FOXJ3: variants seen among roughly 807,000 people sequenced by gnomAD.
FOXJ3 encodes forkhead box protein J3.
FOXJ3 carries 22 observed loss-of-function variants against 76.1 expected under a neutral mutation model. That is an observed-to-expected ratio of 0.29 (90% CI 0.21 to 0.41). FOXJ3 has a LOEUF of 0.41. Ranked by LOEUF, FOXJ3 falls within the 10% of genes least tolerant of loss-of-function variation. The probability of loss-of-function intolerance (pLI) is 1.00; values close to 1 mark genes in which losing one functional copy is unlikely to be tolerated. For synonymous variants in FOXJ3, 269 were observed against 261.2 expected (o/e 1.03, Z -0.29); for missense variants, 613 against 762.1 (o/e 0.80, Z 2.30).
chr1:42,188,237 A>T lies in FOXJ3; in HGVS notation c.1645+500T>A, dbSNP rs148760520. On this transcript the variant is annotated intron_variant, in intron 11 of 12. Transcript: ENST00000361346. ...GCAAGGGTAAAGAATGAAGGAAGAAAGCGAGATTTAAAAAATATACAGGAA... is the reference window on the plus strand; with the variant it reads ...GCAAGGGTAAAGAATGAAGGAAGAATGCGAGATTTAAAAAATATACAGGAA... Among the ~76,000 whole-genome samples, 629 of 152,330 alleles carry T rather than the reference A, an allele frequency of 4.1e-3. 3 individuals are homozygous for T. Among genetic ancestry groups the T allele is most frequent in the African/African-American group, 0.014 (587 of 41,572 alleles).
rs1190269309 is a variant in FOXJ3 at position 42,291,080 on chromosome 1, AGAT to A, written c.45-12411_45-12409del. ...TAGATAGATAGATAGATAGATAGAT[AGAT>A]AGACAGACAGACAGACAGATAGATC... On this transcript the variant is annotated intron_variant, in intron 2 of 12. Transcript: ENST00000361346. 1.6e-3 allele frequency among the ~76,000 whole-genome samples: 181 copies of A among 112,346 alleles called. 3 individuals carry two copies. The highest frequency in any genetic ancestry group is 2.4e-4 in the East Asian group (1 of 4,142). The allele number at this position is 112,346 out of a possible 152,430, so 73.7% of individuals were successfully genotyped here.
chr1:42,308,897 T>A, intron 2 of FOXJ3, among the ~76,000 whole-genome samples: 1 of 148,844 alleles, frequency 6.7e-6, no homozygotes, highest in East Asian at 2.0e-4. Flanking sequence ...TTTCAGTCAA[T>A]TACATTAATA....
At chr1:42,217,076 A>C (rs1358079357) in intron 5 of FOXJ3, among the ~76,000 whole-genome samples, 1 of 152,194 alleles carries the variant, frequency 6.6e-6, no homozygotes, top group Non-Finnish European at 1.5e-5. Flanking sequence ...AGGAACAGGA[A>C]AACTGTCTCT....
At position 42,186,240 on chromosome 1, in the gene FOXJ3, T is replaced by TA. The variant is rs202081018; in HGVS notation, c.1645+2496dup. 1.8e-3 allele frequency among the ~76,000 whole-genome samples: 277 copies of TA among 151,882 alleles called. 2 individuals carry two copies. The highest frequency in any genetic ancestry group is 0.016 in the Admixed American group (243 of 15,258). ...AACAAGAGGAAGCAGGCTGGACACG[T>TA]AAAAAAAATCTGAATATTTGTGAAC... On this transcript the variant is annotated intron_variant, in intron 11 of 12. Transcript: ENST00000361346.
chr1:42,267,756 A>C (rs2124637659), intron 3 of FOXJ3, among the ~76,000 whole-genome samples: 1 of 152,278 alleles, frequency 6.6e-6, no homozygotes, highest in South Asian at 2.1e-4. Context: ...GGAGAATTTC[A>C]ACAGAAATGT....
intron 4 of FOXJ3, among the ~76,000 whole-genome samples, chr1:42,228,566 C>T (rs371323377): frequency 1.5e-5 from 2 of 130,236 alleles, no homozygotes. Flanking sequence ...TGTGACTCTC[C>T]AAAAAAAAAA....
chr1:42,213,551 G>A (rs1386760581), intron 5 of FOXJ3, among the ~76,000 whole-genome samples: 1 of 150,818 alleles, frequency 6.6e-6, no homozygotes, highest in African/African-American at 2.4e-5. Flanking sequence ...AAATATACAT[G>A]CACCTAACTC....
At chr1:42,213,268 A>C (rs190411356) in intron 5 of FOXJ3, among the ~76,000 whole-genome samples, 5 of 152,272 alleles carry the variant, frequency 3.3e-5, no homozygotes, top group Admixed American at 3.3e-4. Flanking sequence ...GTTCCACTTG[A>C]AAGATATACA....
chr1:42,189,159 G>T, intron 10 of FOXJ3, 144 bp downstream of exon 10: 2 of 674,252 alleles, frequency 3.0e-6, no homozygotes, highest in Non-Finnish European at 5.0e-6. Flanking sequence ...TATACCAAGT[G>T]GCCAAAATTA....
intron 4 of FOXJ3, among the ~76,000 whole-genome samples, chr1:42,241,851 C>G (rs1363552837): frequency 6.6e-6 from 1 of 152,206 alleles, no homozygotes; most frequent in Non-Finnish European, 1.5e-5. Context: ...CGTCACACTA[C>G]CCAGGGTCTC....
chr1:42,312,491 G>A (rs1654873323), intron 1 of FOXJ3, among the ~76,000 whole-genome samples: 1 of 152,218 alleles, frequency 6.6e-6, no homozygotes, highest in Admixed American at 6.5e-5. Flanking sequence ...GAAGAGAGAC[G>A]CAGATAGACA....
intron 6 of FOXJ3, among the ~76,000 whole-genome samples, chr1:42,202,952 C>T (rs1646790555): frequency 6.6e-6 from 1 of 152,102 alleles, no homozygotes; most frequent in Non-Finnish European, 1.5e-5. Flanking sequence ...ATTCCTTTTT[C>T]CTCTCCTCCT....
intron 2 of FOXJ3, among the ~76,000 whole-genome samples, chr1:42,282,806 A>G (rs1157782156): frequency 6.6e-6 from 1 of 152,156 alleles, no homozygotes; most frequent in African/African-American, 2.4e-5. Context: ...TAAAGGAGCT[A>G]TTATTCCTAA....
rs193117238 is a variant in FOXJ3, at chr1:42,189,233, A to G, written c.1453+70T>C. ...GATGATGTTTATTTCTACTACAAAG[A>G]AAGTTATAATCTAGCAGAGAAACAG... On this transcript the variant is annotated intron_variant, in intron 10 of 12. Transcript: ENST00000361346. 8.3e-5 allele frequency: 81 copies of G among 977,586 alleles called. No homozygotes were observed. In the Middle Eastern group the frequency reaches 2.3e-3, roughly 28 times the overall value. 60.6% of individuals were successfully genotyped at this position (977,586 alleles called of 1,614,324 possible).
chr1:42,248,730 CTT>C (rs4019587), intron 4 of FOXJ3, among the ~76,000 whole-genome samples: 56,398 of 91,926 alleles, frequency 0.61, 17,206 homozygotes, highest in Admixed American at 0.71. Context: ...CCTGTTTTTT[CTT>C]TTTTTTTTTT....
At chr1:42,327,509 TTTA>T (rs1305903484) in intron 1 of FOXJ3, among the ~76,000 whole-genome samples, 1 of 152,216 alleles carries the variant, frequency 6.6e-6, no homozygotes, top group East Asian at 1.9e-4. Flanking sequence ...ATCTAGAGTC[TTTA>T]TGATAACCTA....
At chr1:42,316,335 T>TTTTTTTTTTG (rs1557720449) in intron 1 of FOXJ3, among the ~76,000 whole-genome samples, 8 of 127,960 alleles carry the variant, frequency 6.3e-5, no homozygotes, top group African/African-American at 2.2e-4. Context: ...CATTGGGCCT[T>TTTTTTTTTTG]TTTTTTTTTT....
At chr1:42,283,277 C>A (rs1001651558) in intron 2 of FOXJ3, among the ~76,000 whole-genome samples, 2 of 152,088 alleles carry the variant, frequency 1.3e-5, no homozygotes, top group Admixed American at 1.3e-4. Flanking sequence ...AAGTTCCATA[C>A]AGAATTTTTT....
chr1:42,303,895 G>A (rs955306573), intron 2 of FOXJ3, among the ~76,000 whole-genome samples: 15 of 152,030 alleles, frequency 9.9e-5, no homozygotes, highest in African/African-American at 3.1e-4. Flanking sequence ...TGCTTTGACC[G>A]AACCAAATTA....
Sources: allele counts gnomAD v4.1 joint callset (sites outside exome capture counted in the v4.1 genomes callset), GRCh38; gene constraint gnomAD v4.1.1; transcripts MANE v1.5; gene names NCBI Gene and HGNC (gene_info 2026-07-23, HGNC 2026-07-21).